LRRC4C: variants seen among roughly 807,000 people sequenced by gnomAD.
LRRC4C encodes leucine-rich repeat-containing protein 4C.
Under a neutral mutation model 33.6 loss-of-function variants are expected in LRRC4C, and 5 were observed. The observed-to-expected ratio is 0.15, with a 90% CI of 0.08 to 0.31. The LOEUF is 0.31. LRRC4C is among the 10% of genes least tolerant of loss of function. LRRC4C has a pLI of 1.00. For missense variants in LRRC4C, 560 were observed against 796.7 expected, an observed-to-expected ratio of 0.70 and a Z score of 3.58; for synonymous variants, 329 against 302.0, an observed-to-expected ratio of 1.09 and a Z score of -0.93.
chr11:40,386,709 G>A (rs1370136044), intron 3 of LRRC4C, among the ~76,000 whole-genome samples: 1 of 151,824 alleles, frequency 6.6e-6, no homozygotes, highest in Non-Finnish European at 1.5e-5. Flanking sequence ...TATATCAGAT[G>A]TGCCAAAGTC....
At chr11:41,107,979 AG>A (rs1187992597) in intron 1 of LRRC4C, among the ~76,000 whole-genome samples, 2 of 148,024 alleles carry the variant, frequency 1.4e-5, no homozygotes, top group African/African-American at 5.0e-5. Flanking sequence ...GAGAGGGGAG[AG>A]GGGAGAGGGG....
intron 1 of LRRC4C, among the ~76,000 whole-genome samples, chr11:41,182,487 A>G (rs1488298301): frequency 6.6e-6 from 1 of 152,198 alleles, no homozygotes; most frequent in Non-Finnish European, 1.5e-5. Context: ...TGTCAAGTCC[A>G]TAGGTATACA....
chr11:40,117,278 A>G (rs1855504090), intron 6 of LRRC4C, among the ~76,000 whole-genome samples: 1 of 152,204 alleles, frequency 6.6e-6, no homozygotes, highest in Non-Finnish European at 1.5e-5. Context: ...CTGGCAACTT[A>G]ATTTATGGTA....
chr11:41,211,724 CTA>C (rs1946831538), intron 1 of LRRC4C, among the ~76,000 whole-genome samples: 1 of 152,156 alleles, frequency 6.6e-6, no homozygotes, highest in Admixed American at 6.5e-5. Flanking sequence ...TTAATCCAGT[CTA>C]TGATTGTTGG....
chr11:40,511,403 A>G (rs1955308617), intron 3 of LRRC4C, among the ~76,000 whole-genome samples: 2 of 152,316 alleles, frequency 1.3e-5, no homozygotes, highest in South Asian at 4.1e-4. Flanking sequence ...GGGCCATGAG[A>G]TGCAAAAGAT....
At chr11:41,285,659 G>A (rs1407622539) in intron 1 of LRRC4C, among the ~76,000 whole-genome samples, 1 of 152,056 alleles carries the variant, frequency 6.6e-6, no homozygotes, top group African/African-American at 2.4e-5. Flanking sequence ...GATGGGAGAT[G>A]CTGAGTCTGC....
chr11:41,069,216 A>G (rs1387405707), intron 1 of LRRC4C, among the ~76,000 whole-genome samples: 2 of 152,222 alleles, frequency 1.3e-5, no homozygotes, highest in Admixed American at 1.3e-4. Context: ...ATAAAATTCA[A>G]CATCCTTTCA....
At chr11:41,178,645 C>A (rs535895081) in intron 1 of LRRC4C, among the ~76,000 whole-genome samples, 1 of 152,152 alleles carries the variant, frequency 6.6e-6, no homozygotes, top group Admixed American at 6.5e-5. Flanking sequence ...GCATGAACCA[C>A]GTTGCCTAGC....
chr11:41,279,844 G>C (rs1949607560), intron 1 of LRRC4C, among the ~76,000 whole-genome samples: 1 of 151,610 alleles, frequency 6.6e-6, no homozygotes, highest in Non-Finnish European at 1.5e-5. Context: ...ATAAAATGTG[G>C]CTGGCCACAT....
chr11:40,957,903 C>A (rs938413958), intron 1 of LRRC4C, among the ~76,000 whole-genome samples: 29 of 151,660 alleles, frequency 1.9e-4, no homozygotes, highest in Non-Finnish European at 1.0e-4. Flanking sequence ...TGTTTGTGAA[C>A]CTCCCCCCTT....
At chr11:41,304,147 C>T (rs1950387147) in intron 1 of LRRC4C, among the ~76,000 whole-genome samples, 1 of 92,984 alleles carries the variant, frequency 1.1e-5, no homozygotes, top group Non-Finnish European at 2.6e-5. Context: ...TCAGCCCGGC[C>T]AGCCGCCCCG....
chr11:40,540,325 C>T (rs1486631458), intron 3 of LRRC4C, among the ~76,000 whole-genome samples: 1 of 152,150 alleles, frequency 6.6e-6, no homozygotes, highest in Non-Finnish European at 1.5e-5. Context: ...AATTGATCCG[C>T]TAAAGTTTGA....
At chr11:41,321,731 A>G (rs1950964474) in intron 1 of LRRC4C, among the ~76,000 whole-genome samples, 1 of 152,184 alleles carries the variant, frequency 6.6e-6, no homozygotes, top group Non-Finnish European at 1.5e-5. Context: ...AGGATCATCT[A>G]CTTAGTAACT....
At chr11:41,294,949 T>C (rs186736899) in intron 1 of LRRC4C, among the ~76,000 whole-genome samples, 48 of 152,302 alleles carry the variant, frequency 3.2e-4, no homozygotes, top group Admixed American at 3.0e-3. Context: ...GCCCATAGTA[T>C]TGGTGATTAT....
At chr11:41,062,440 A>T (rs1937854219) in intron 1 of LRRC4C, among the ~76,000 whole-genome samples, 1 of 152,212 alleles carries the variant, frequency 6.6e-6, no homozygotes, top group Admixed American at 6.5e-5. Flanking sequence ...TCTTGATAAA[A>T]CAACAGTTTC....
At chr11:40,969,739 G>A (rs752857116) in intron 1 of LRRC4C, among the ~76,000 whole-genome samples, 2 of 152,276 alleles carry the variant, frequency 1.3e-5, no homozygotes, top group African/African-American at 4.8e-5. Flanking sequence ...ATAGAATATT[G>A]TAACATAACT....
At chr11:41,015,416 C>T (rs1855511398) in intron 1 of LRRC4C, among the ~76,000 whole-genome samples, 1 of 152,074 alleles carries the variant, frequency 6.6e-6, no homozygotes, top group Non-Finnish European at 1.5e-5. Flanking sequence ...GCAACTTCTA[C>T]CTCTTGAGTT....
intron 2 of LRRC4C, among the ~76,000 whole-genome samples, chr11:40,913,278 A>G (rs987524062): frequency 3.3e-5 from 5 of 152,202 alleles, no homozygotes; most frequent in African/African-American, 1.2e-4. Flanking sequence ...CTATTCCAAA[A>G]TTGACCAAAT....
At chr11:41,095,295 AC>A (rs1158721859) in intron 1 of LRRC4C, among the ~76,000 whole-genome samples, 1 of 152,000 alleles carries the variant, frequency 6.6e-6, no homozygotes, top group Admixed American at 6.6e-5. Flanking sequence ...GGGAAAATCC[AC>A]CCCCATAATC....
Sources: gnomAD v4.1 joint callset for allele counts (sites outside exome capture counted in the v4.1 genomes callset) on GRCh38, gnomAD v4.1.1 for gene constraint, MANE v1.5 for transcripts, NCBI Gene and HGNC (gene_info 2026-07-23, HGNC 2026-07-21) for gene names.